The following GUCY1A1 variants were observed in gnomAD, a reference collection of about 807,000 sequenced individuals.
GUCY1A1 encodes the protein guanylate cyclase 1 soluble subunit alpha 1, also known as guanylate cyclase soluble subunit alpha-1.
In GUCY1A1, 48 loss-of-function variants were observed where a neutral mutation model predicts 64.5. That is an observed-to-expected ratio of 0.74 (90% CI 0.59 to 0.95). The LOEUF is 0.95. GUCY1A1 is among the 40% of genes least tolerant of loss of function. GUCY1A1 has a pLI of 0.00. For synonymous variants in GUCY1A1, 308 were observed against 303.4 expected, an observed-to-expected ratio of 1.02 and a Z score of -0.16; for missense variants, 804 against 825.3, an observed-to-expected ratio of 0.97 and a Z score of 0.32.
At chr4:155,683,356 G>GA (rs1304760926) in intron 2 of GUCY1A1, among the ~76,000 whole-genome samples, 16 of 152,242 alleles carry the variant, frequency 1.1e-4, no homozygotes, top group African/African-American at 3.4e-4. Context: ...AAAATAAATG[G>GA]AAAAAAATTG....
chr4:155,712,947 A>G, intron 6 of GUCY1A1, 151 bp from the exon 7 acceptor site: 1 of 625,940 alleles, frequency 1.6e-6, no homozygotes, highest in Non-Finnish European at 2.8e-6. Flanking sequence ...TTTAGAACTC[A>G]TAGAAAATAG....
intron 4 of GUCY1A1, among the ~76,000 whole-genome samples, chr4:155,705,757 C>T (rs1352162234): frequency 1.3e-5 from 2 of 152,102 alleles, no homozygotes; most frequent in African/African-American, 4.8e-5. Context: ...ATCATATGTG[C>T]TTGATTTTCC....
chr4:155,688,766 C>T (rs771389867), intron 2 of GUCY1A1, among the ~76,000 whole-genome samples: 37 of 151,486 alleles, frequency 2.4e-4, no homozygotes, highest in Non-Finnish European at 5.1e-4. Context: ...TCAATGCTTA[C>T]GAGCACTAAC....
chr4:155,713,486 C>T lies in GUCY1A1; in HGVS notation c.1475C>T (p.Ala492Val), dbSNP rs1395979435. ...MLFSDIVGFT[A>V]ICSQCSPLQV... ...TTCTCAGACATCGTTGGGTTCACTGCCATCTGCTCCCAGTGCTCACCGCTG... is the reference window on the plus strand; with the variant it reads ...TTCTCAGACATCGTTGGGTTCACTGTCATCTGCTCCCAGTGCTCACCGCTG... The change falls in exon 7 of 10, where the codon GCC becomes GTC. Residue 492 changes from alanine (A) to valine (V), a missense_variant. By Grantham distance (64) the Ala-to-Val change is moderately conservative (BLOSUM62 0). Coordinates refer to ENST00000506455, the MANE Select transcript of GUCY1A1 (RefSeq NM_001130682.3). 3 of 1,614,106 alleles carry T rather than the reference C, an allele frequency of 1.9e-6. No homozygotes were observed. The highest frequency in any genetic ancestry group is 2.2e-5 in the South Asian group (2 of 91,084).
intron 4 of GUCY1A1, among the ~76,000 whole-genome samples, chr4:155,707,362 G>A (rs1056595548): frequency 2.6e-5 from 4 of 152,142 alleles, no homozygotes; most frequent in African/African-American, 9.7e-5. Flanking sequence ...TACCTTACAT[G>A]TCCTCAGCAA....
In GUCY1A1 at chr4:155,733,190, A is replaced by G. The variant is rs1361922913; in HGVS notation, c.*2959A>G. Among the ~76,000 whole-genome samples, 1 of 151,846 alleles carries G rather than the reference A, an allele frequency of 6.6e-6. No individual in the cohort carries two copies. Among genetic ancestry groups the G allele is most frequent in the Non-Finnish European group, 1.5e-5 (1 of 67,876 alleles). ...GAAATTTAAGGATAAAATATGGCCC[A>G]ATCTATCAAGAAAGGAAAGTGAAAG... is the stretch of plus-strand genomic sequence containing the variant. On this transcript the variant is annotated 3_prime_UTR_variant, in exon 10 of 10. Coordinates refer to ENST00000506455, the MANE Select transcript of GUCY1A1 (RefSeq NM_001130682.3).
At chr4:155,705,256 C>T (rs1161220306) in intron 4 of GUCY1A1, among the ~76,000 whole-genome samples, 1 of 152,154 alleles carries the variant, frequency 6.6e-6, no homozygotes, top group African/African-American at 2.4e-5. Context: ...ACATTTACTG[C>T]TGACAGAAAA....
chr4:155,716,501 T>G (rs779519899), intron 7 of GUCY1A1, among the ~76,000 whole-genome samples: 10 of 152,146 alleles, frequency 6.6e-5, no homozygotes, highest in Admixed American at 3.3e-4. Flanking sequence ...GGTTAATACT[T>G]AGATTTTTGA....
rs900649429 is a variant in GUCY1A1 at position 155,731,567 on chromosome 4, G to A, written c.*1336G>A. On this transcript the variant is annotated 3_prime_UTR_variant, in exon 10 of 10. Transcript: ENST00000506455. ...GCTAGGAACTTTTAGTTTTAGTTAG[G>A]TCAGTTGAAGTTCTCTGGTGAACTA... 6.6e-6 allele frequency: 1 copy of A among 151,696 alleles called. No individual in the cohort carries two copies. Among genetic ancestry groups the A allele is most frequent in the Non-Finnish European group, 1.5e-5 (1 of 67,802 alleles). The allele number at this position is 151,696 out of a possible 1,614,324, so 9.4% of individuals were successfully genotyped here.
In GUCY1A1 at chr4:155,730,329, A is replaced by C. The variant is rs1735391302; in HGVS notation, c.*98A>C. On this transcript the variant is annotated 3_prime_UTR_variant, in exon 10 of 10. Transcript: ENST00000506455. Reference sequence around the variant, plus strand: ...TAGGGATTGTAGATGGCTAACAAGCAGTATTAAAATTTCAGGAGCCAAGTC... The same window carrying C: ...TAGGGATTGTAGATGGCTAACAAGCCGTATTAAAATTTCAGGAGCCAAGTC... 2 of 678,798 alleles carry C rather than the reference A, an allele frequency of 2.9e-6. No homozygotes were observed. Among genetic ancestry groups the C allele is most frequent in the East Asian group, 2.6e-5 (1 of 37,946 alleles). The allele number at this position is 678,798 out of a possible 1,614,324, so 42.0% of individuals were successfully genotyped here. A position where few individuals can be genotyped will look rare whatever the true frequency, so the allele number is the denominator to read the frequency against.
chr4:155,691,808 T>C (rs1461503851), intron 2 of GUCY1A1, among the ~76,000 whole-genome samples: 1 of 152,176 alleles, frequency 6.6e-6, no homozygotes, highest in African/African-American at 2.4e-5. Context: ...CAACTTTTAT[T>C]TTAAGTTTAG....
In GUCY1A1 at chr4:155,736,848, C is replaced by G. The variant is rs1736103055; in HGVS notation, c.*6617C>G. The G allele has an allele frequency of 6.6e-6, 1 of 151,450 alleles. No homozygotes were observed. Among genetic ancestry groups the G allele is most frequent in the African/African-American group, 2.4e-5 (1 of 41,256 alleles). The allele number at this position is 151,450 out of a possible 1,614,324, so 9.4% of individuals were successfully genotyped here. Reference sequence around the variant, plus strand: ...GTATATGTAAATATAGCTATTGGACCCTGCATTGAAAACCTTCTTAGTACT... The same window carrying G: ...GTATATGTAAATATAGCTATTGGACGCTGCATTGAAAACCTTCTTAGTACT... On this transcript the variant is annotated 3_prime_UTR_variant, in exon 10 of 10. Coordinates refer to ENST00000506455, the MANE Select transcript of GUCY1A1 (RefSeq NM_001130682.3).
intron 2 of GUCY1A1, among the ~76,000 whole-genome samples, chr4:155,685,780 A>G (rs911188634): frequency 2.0e-5 from 3 of 152,074 alleles, no homozygotes; most frequent in African/African-American, 7.2e-5. Flanking sequence ...GAGCTTGGAA[A>G]AATTTCCAAA....
rs1350632166 is a variant in GUCY1A1, at chr4:155,733,087, A to G, written c.*2856A>G. On this transcript the variant is annotated 3_prime_UTR_variant, in exon 10 of 10. Coordinates refer to ENST00000506455, the MANE Select transcript of GUCY1A1 (RefSeq NM_001130682.3). ...AGAAAACCTAAATAAGAATAGATTC[A>G]TTTACTCATTTTCATTTATTCATTC... 1.3e-5 allele frequency among the ~76,000 whole-genome samples: 2 copies of G among 151,882 alleles called. No individual in the cohort carries two copies. Among genetic ancestry groups the G allele is most frequent in the East Asian group, 3.9e-4 (2 of 5,170 alleles).
chr4:155,731,375 A>G lies in GUCY1A1; in HGVS notation c.*1144A>G, dbSNP rs1735526712. ...AAGAATCAAGTTTTTGTCTCATTAA[A>G]TATACATATATGAAGTGTTTTTATT... On this transcript the variant is annotated 3_prime_UTR_variant, in exon 10 of 10. Coordinates refer to ENST00000506455, the MANE Select transcript of GUCY1A1 (RefSeq NM_001130682.3). 6.6e-6 allele frequency: 1 copy of G among 151,880 alleles called. No homozygotes were observed. The highest frequency in any genetic ancestry group is 1.5e-5 in the Non-Finnish European group (1 of 67,866). The allele number at this position is 151,880 out of a possible 1,614,324, so 9.4% of individuals were successfully genotyped here. A position where few individuals can be genotyped will look rare whatever the true frequency, so the allele number is the denominator to read the frequency against.
chr4:155,733,375 C>T lies in GUCY1A1; in HGVS notation c.*3144C>T, dbSNP rs935653262. Among the ~76,000 whole-genome samples the T allele has an allele frequency of 1.3e-5, 2 of 151,548 alleles. No individual in the cohort carries two copies. The highest frequency in any genetic ancestry group is 2.9e-5 in the Non-Finnish European group (2 of 67,844). The stretch of plus-strand genomic sequence containing the variant: ...ACAAAGAGATGGGGTCTTGAGGGTG[C>T]ATAGTACATTCTGGACAGCCAGTTA... On this transcript the variant is annotated 3_prime_UTR_variant, in exon 10 of 10. Transcript: ENST00000506455.
intron 9 of GUCY1A1, among the ~76,000 whole-genome samples, chr4:155,722,997 A>T (rs912085285): frequency 6.6e-6 from 1 of 151,162 alleles, no homozygotes; most frequent in Admixed American, 6.6e-5. Flanking sequence ...CACCACCCCC[A>T]CTCTCCTCCC....
intron 2 of GUCY1A1, among the ~76,000 whole-genome samples, chr4:155,680,362 A>G (rs1434128894): frequency 2.6e-5 from 4 of 152,150 alleles, no homozygotes; most frequent in Admixed American, 6.5e-5. Context: ...GGAATTTTGT[A>G]TATCAGTCTT....
chr4:155,668,671 C>A (rs1198358063), intron 2 of GUCY1A1, among the ~76,000 whole-genome samples: 1 of 152,076 alleles, frequency 6.6e-6, no homozygotes, highest in Admixed American at 6.5e-5. Context: ...CCTAAAATTG[C>A]TATACATATT....
Sources: allele counts gnomAD v4.1 joint callset (sites outside exome capture counted in the v4.1 genomes callset), GRCh38; gene constraint gnomAD v4.1.1; transcripts MANE v1.5; gene names NCBI Gene and HGNC (gene_info 2026-07-23, HGNC 2026-07-21).